LRFN5: variants seen among roughly 807,000 people sequenced by gnomAD.
LRFN5 encodes leucine rich repeat and fibronectin type III domain containing 5.
In LRFN5, 24 loss-of-function variants were observed where a neutral mutation model predicts 45.6. The ratio of observed to expected loss-of-function variants is 0.53; its 90% confidence interval spans 0.38 to 0.74. The LOEUF is 0.74. LRFN5 is among the 30% of genes least tolerant of loss of function. The pLI is 0.00. For synonymous variants in LRFN5, 340 were observed against 313.8 expected, an observed-to-expected ratio of 1.08 and a Z score of -0.88; for missense variants, 776 against 861.5, an observed-to-expected ratio of 0.90 and a Z score of 1.24.
intron 2 of LRFN5, among the ~76,000 whole-genome samples, chr14:41,829,033 C>T (rs577451347): frequency 1.0e-3 from 159 of 152,024 alleles, no homozygotes; most frequent in African/African-American, 3.7e-3. Context: ...AACCATTACT[C>T]ATTTATTAGC....
At chr14:41,837,365 G>GGGCAGTGGACAT (rs1888699646) in intron 2 of LRFN5, among the ~76,000 whole-genome samples, 4 of 152,136 alleles carry the variant, frequency 2.6e-5, no homozygotes, top group African/African-American at 9.7e-5. Flanking sequence ...GCTAGACTTA[G>GGGCAGTGGACAT]TACAGGGCAG....
At chr14:41,791,716 G>A (rs1886927721) in intron 2 of LRFN5, among the ~76,000 whole-genome samples, 3 of 152,018 alleles carry the variant, frequency 2.0e-5, no homozygotes, top group African/African-American at 7.2e-5. Flanking sequence ...ATGATACTAT[G>A]TTTCCATTAA....
intron 2 of LRFN5, among the ~76,000 whole-genome samples, chr14:41,824,692 C>T (rs1374398199): frequency 2.0e-5 from 3 of 152,114 alleles, no homozygotes; most frequent in Non-Finnish European, 2.9e-5. Context: ...TGAGAAGGAC[C>T]TCTCTGTTGT....
chr14:41,707,028 C>T (rs1037456811), intron 1 of LRFN5, among the ~76,000 whole-genome samples: 2 of 152,116 alleles, frequency 1.3e-5, no homozygotes, highest in East Asian at 3.9e-4. Flanking sequence ...GCACTTGCTC[C>T]CTCCCTTTAA....
chr14:41,843,590 G>A (rs891181756), intron 2 of LRFN5, among the ~76,000 whole-genome samples: 8 of 151,966 alleles, frequency 5.3e-5, no homozygotes, highest in African/African-American at 1.5e-4. Flanking sequence ...ATCAGTCTTT[G>A]TGTATGCTGA....
chr14:41,693,032 A>T (rs1423223332), intron 1 of LRFN5, among the ~76,000 whole-genome samples: 1 of 152,096 alleles, frequency 6.6e-6, no homozygotes, highest in Admixed American at 6.6e-5. Context: ...TTTGTTAAGT[A>T]TCAATTAACT....
At chr14:41,898,877 A>C in intron 4 of LRFN5, 40 bp from the exon 5 acceptor site, 1 of 1,578,540 alleles carries the variant, frequency 6.3e-7, no homozygotes, top group Admixed American at 1.8e-5. Flanking sequence ...TTTCTTTTAA[A>C]AAAATGAATT....
chr14:41,849,733 G>A (rs993853555), intron 2 of LRFN5, among the ~76,000 whole-genome samples: 2 of 151,772 alleles, frequency 1.3e-5, no homozygotes, highest in African/African-American at 2.4e-5. Flanking sequence ...TTAATGCGTC[G>A]GCTCAAAGGG....
chr14:41,893,041 G>A (rs1890834937), intron 4 of LRFN5: 1 of 984,586 alleles, frequency 1.0e-6, no homozygotes, highest in Admixed American at 6.2e-5. Flanking sequence ...AGTCATAAAA[G>A]TCATTGCTCA....
intron 2 of LRFN5, among the ~76,000 whole-genome samples, chr14:41,791,865 G>C (rs1296812823): frequency 6.6e-6 from 1 of 152,068 alleles, no homozygotes; most frequent in Non-Finnish European, 1.5e-5. Flanking sequence ...TATGAACTAA[G>C]AAGTAATTAC....
chr14:41,667,202 A>G (rs779756823), intron 1 of LRFN5, among the ~76,000 whole-genome samples: 3 of 152,262 alleles, frequency 2.0e-5, no homozygotes, highest in Middle Eastern at 3.4e-3. Flanking sequence ...TATGGCTTCA[A>G]TTTGTAATGT....
At chr14:41,780,703 A>G (rs1886451460) in intron 2 of LRFN5, among the ~76,000 whole-genome samples, 1 of 152,036 alleles carries the variant, frequency 6.6e-6, no homozygotes, top group Non-Finnish European at 1.5e-5. Flanking sequence ...GTTAATATCT[A>G]CCATGTTTTA....
intron 2 of LRFN5, among the ~76,000 whole-genome samples, chr14:41,847,599 C>G (rs1951875): frequency 0.59 from 88,931 of 151,690 alleles, 26,230 homozygotes; most frequent in African/African-American, 0.64. Flanking sequence ...ATATTTTAAT[C>G]GTTTGATATG....
chr14:41,702,371 C>A (rs7143254), intron 1 of LRFN5, among the ~76,000 whole-genome samples: 35,583 of 152,062 alleles, frequency 0.23, 4,315 homozygotes, highest in Non-Finnish European at 0.28. Context: ...CCACTGGCAC[C>A]ATACATTGTA....
At chr14:41,899,206 A>G (rs1891032812) in intron 5 of LRFN5, among the ~76,000 whole-genome samples, 2 of 152,142 alleles carry the variant, frequency 1.3e-5, no homozygotes, top group African/African-American at 4.8e-5. Context: ...AATGAAGTTA[A>G]TAATAGTGAT....
At chr14:41,765,466 G>C (rs1885850361) in intron 1 of LRFN5, among the ~76,000 whole-genome samples, 1 of 151,840 alleles carries the variant, frequency 6.6e-6, no homozygotes, top group Admixed American at 6.6e-5. Flanking sequence ...CTGAAAGAAT[G>C]TTCTAAAATG....
intron 3 of LRFN5, 142 bp from the exon 4 acceptor site, chr14:41,891,108 A>T (rs969456211): frequency 1.4e-6 from 1 of 704,842 alleles, no homozygotes. Context: ...AGTAAATATG[A>T]GATTAGATCA....
intron 2 of LRFN5, among the ~76,000 whole-genome samples, chr14:41,797,505 T>G (rs1469487021): frequency 6.6e-6 from 1 of 151,694 alleles, no homozygotes; most frequent in Non-Finnish European, 1.5e-5. Flanking sequence ...ACCTAATACC[T>G]TATTGGAAAA....
intron 2 of LRFN5, among the ~76,000 whole-genome samples, chr14:41,807,295 T>C (rs902115088): frequency 1.3e-5 from 2 of 152,094 alleles, no homozygotes; most frequent in African/African-American, 2.4e-5. Context: ...CTCAACATAA[T>C]ATGATCGTTT....
Sources: allele counts gnomAD v4.1 joint callset (sites outside exome capture counted in the v4.1 genomes callset), GRCh38; gene constraint gnomAD v4.1.1; transcripts MANE v1.5; gene names NCBI Gene and HGNC (gene_info 2026-07-23, HGNC 2026-07-21).